The following LY86 variants were observed in gnomAD, a reference collection of about 807,000 sequenced individuals.
LY86 encodes MD-1, RP105-associated.
In LY86, 20 loss-of-function variants were observed where a neutral mutation model predicts 17.3. The ratio of observed to expected loss-of-function variants is 1.15; its 90% CI spans 0.81 to 1.68. The LOEUF (loss-of-function observed/expected upper bound fraction) is 1.68. LY86 is among the 40% of genes most tolerant of loss of function. LY86 has a pLI of 0.00. For missense variants in LY86, 200 were observed against 191.9 expected, an observed-to-expected ratio of 1.04 and a Z score of -0.25; for synonymous variants, 74 against 70.6, an observed-to-expected ratio of 1.05 and a Z score of -0.24.
chr6:6,611,785 T>C (rs933351548), intron 1 of LY86, among the ~76,000 whole-genome samples: 1 of 141,994 alleles, frequency 7.0e-6, no homozygotes, highest in African/African-American at 2.7e-5. Flanking sequence ...TATCAAACAG[T>C]ACGGGCTCAA....
intron 3 of LY86, among the ~76,000 whole-genome samples, chr6:6,640,585 G>A (rs916691125): frequency 6.6e-6 from 1 of 151,838 alleles, no homozygotes; most frequent in Admixed American, 6.6e-5. Flanking sequence ...GCTGGGCATG[G>A]TGGTGTAGTC....
intron 1 of LY86, among the ~76,000 whole-genome samples, chr6:6,600,587 CAAAAAAAAAAAAAAAAAAAAAAA>C (rs59560744): frequency 1.7e-4 from 14 of 82,458 alleles, no homozygotes; most frequent in South Asian, 1.3e-3. Flanking sequence ...GAGACTCCAT[CAAAAAAAAAAAAAAAAAAAAAAA>C]AAAAAAAAAA....
intron 1 of LY86, among the ~76,000 whole-genome samples, chr6:6,600,081 A>G (rs1160761802): frequency 6.6e-6 from 1 of 152,196 alleles, no homozygotes; most frequent in Non-Finnish European, 1.5e-5. Context: ...AATATGTAAG[A>G]GATCACTGGG....
chr6:6,621,629 C>T (rs1449128349), intron 1 of LY86, among the ~76,000 whole-genome samples: 3 of 152,160 alleles, frequency 2.0e-5, no homozygotes, highest in Non-Finnish European at 2.9e-5. Flanking sequence ...AGGGATGCTT[C>T]TAGACATCCT....
intron 1 of LY86, chr6:6,591,384 A>C (rs1760519901): frequency 6.5e-6 from 1 of 153,838 alleles, no homozygotes; most frequent in South Asian, 2.1e-4. Flanking sequence ...ACAATTAAGC[A>C]ACAGGGTAAA....
At chr6:6,626,483 A>C in intron 3 of LY86, 62 bp downstream of exon 3, 3 of 1,593,054 alleles carry the variant, frequency 1.9e-6, no homozygotes, top group South Asian at 1.1e-5. Context: ...TCGAACTTGC[A>C]TCTGAGGCCA....
intron 1 of LY86, chr6:6,622,786 A>C (rs1335016345): frequency 1.3e-5 from 2 of 152,384 alleles, no homozygotes; most frequent in African/African-American, 4.8e-5. Flanking sequence ...AATGGAAATC[A>C]GTTATGAAAC....
At chr6:6,623,450 A>G (rs1761722139) in intron 1 of LY86, among the ~76,000 whole-genome samples, 1 of 152,248 alleles carries the variant, frequency 6.6e-6, no homozygotes, top group Non-Finnish European at 1.5e-5. Flanking sequence ...CACTCCCAGC[A>G]AGTACTCACG....
chr6:6,650,339 G>GTTTTTTTTTTTTTTTTTT lies in LY86; in HGVS notation c.405+662_405+663insTTTTTTTTTTTTTTTTTT, dbSNP rs138255515. On this transcript the variant is annotated intron_variant, in intron 4 of 4. Transcript: ENST00000230568. ...TTCAATATGCTACCCCTCAGATAAT[G>GTTTTTTTTTTTTTTTTTT]GTTTTTTTTTTTTTTGAGAGAGTCT... is the stretch of plus-strand genomic sequence containing the variant. 2.0e-5 allele frequency among the ~76,000 whole-genome samples: 3 copies of GTTTTTTTTTTTTTTTTTT among 148,036 alleles called. 1 individual carries two copies. Among genetic ancestry groups the GTTTTTTTTTTTTTTTTTT allele is most frequent in the African/African-American group, 5.0e-5 (2 of 40,058 alleles).
At position 6,593,740 on chromosome 6, in the gene LY86, C is replaced by T. The variant is rs562045966; in HGVS notation, c.136+4870C>T. Among the ~76,000 whole-genome samples, 148 of 152,130 alleles carry T rather than the reference C, an allele frequency of 9.7e-4. 1 individual carries two copies. Among genetic ancestry groups the T allele is most frequent in the Non-Finnish European group, 2.0e-3 (137 of 68,024 alleles). ...CAGCTTTTCCTGATATAGGGATGAGCGATGAGGGGAATTTCTCCCCAGAGT... is the reference window on the plus strand; with the variant it reads ...CAGCTTTTCCTGATATAGGGATGAGTGATGAGGGGAATTTCTCCCCAGAGT... On this transcript the variant is annotated intron_variant, in intron 1 of 4. Transcript: ENST00000230568.
chr6:6,649,650 C>A lies in LY86; in HGVS notation c.378C>A (p.Val126=). 6.4e-7 allele frequency: 1 copy of A among 1,574,484 alleles called. No homozygotes were observed. The highest frequency in any genetic ancestry group is 8.7e-7 in the Non-Finnish European group (1 of 1,148,964). Reference sequence around the variant, plus strand: ...AGCAGATTTACTATGCTGGGCCTGTCAATAATCCTGAATTTACTATTCCTC... The same window carrying A: ...AGCAGATTTACTATGCTGGGCCTGTAAATAATCCTGAATTTACTATTCCTC... ...KGEQIYYAGP[V]NNPEFTIPQG... is the part of the protein sequence containing the mutation. Residue 126 remains valine (V), a synonymous_variant, in exon 4 of 5, where the codon GTC becomes GTA. Transcript: ENST00000230568.
Position 6,607,840 on chromosome 6 carries a change from C to T in LY86, c.137-17086C>T, listed in dbSNP as rs544523501. 6.3e-4 allele frequency among the ~76,000 whole-genome samples: 95 copies of T among 151,982 alleles called. 1 individual carries two copies. Among genetic ancestry groups the T allele is most frequent in the African/African-American group, 2.2e-3 (91 of 41,436 alleles). The stretch of plus-strand genomic sequence containing the variant: ...GCTTGAACCCGGGAGGCAAAGGTTG[C>T]GGTAAGCTGAGATAGTGCCACTGCA... On this transcript the variant is annotated intron_variant, in intron 1 of 4. Transcript: ENST00000230568.
chr6:6,613,603 C>T (rs1009925123), intron 1 of LY86, among the ~76,000 whole-genome samples: 1 of 152,228 alleles, frequency 6.6e-6, no homozygotes, highest in African/African-American at 2.4e-5. Flanking sequence ...CGCCGCGCGC[C>T]GCCCGGGTTC....
intron 1 of LY86, among the ~76,000 whole-genome samples, chr6:6,600,388 G>A (rs901964398): frequency 2.0e-5 from 3 of 151,866 alleles, no homozygotes; most frequent in Admixed American, 6.6e-5. Context: ...TCAGGAGTTC[G>A]AGATCAGTCG....
At chr6:6,612,415 G>A (rs6912864) in intron 1 of LY86, among the ~76,000 whole-genome samples, 8,232 of 152,176 alleles carry the variant, frequency 0.054, 319 homozygotes, top group African/African-American at 0.11. Flanking sequence ...TAGTCTCACT[G>A]GCCTCATAAA....
chr6:6,588,742 G>A lies in LY86; in HGVS notation c.8G>A (p.Gly3Asp). 1 of 1,614,128 alleles carries A rather than the reference G, an allele frequency of 6.2e-7. No individual in the cohort carries two copies. The highest frequency in any genetic ancestry group is 8.5e-7 in the Non-Finnish European group (1 of 1,179,980). The change falls in exon 1 of 5, where the codon GGT becomes GAT. Residue 3 changes from glycine to aspartate, a missense_variant. Gly to Asp is a moderately conservative substitution (Grantham distance 94). Transcript: ENST00000230568. ...CCCATACAGGCCCCCACCATGAAGG[G>A]TTTCACAGCCACTCTCTTCCTCTGG... MK[G>D]FTATLFLWTL...
chr6:6,615,868 A>C (rs1326433114), intron 1 of LY86, among the ~76,000 whole-genome samples: 1 of 152,202 alleles, frequency 6.6e-6, no homozygotes, highest in Non-Finnish European at 1.5e-5. Context: ...CTCAAAAAAT[A>C]ATAATACAAA....
intron 1 of LY86, among the ~76,000 whole-genome samples, chr6:6,607,039 C>T (rs1051878699): frequency 1.5e-4 from 23 of 152,336 alleles, no homozygotes; most frequent in African/African-American, 4.8e-4. Context: ...GGGGATTGCA[C>T]GGGACGTGAA....
intron 1 of LY86, among the ~76,000 whole-genome samples, chr6:6,592,647 T>A (rs1760564708): frequency 2.6e-5 from 4 of 152,160 alleles, no homozygotes; most frequent in South Asian, 4.1e-4. Context: ...GATTAGATCA[T>A]GAGAATGGAG....
Sources: allele counts gnomAD v4.1 joint callset (sites outside exome capture counted in the v4.1 genomes callset), GRCh38; gene constraint gnomAD v4.1.1; transcripts MANE v1.5; gene names NCBI Gene and HGNC (gene_info 2026-07-23, HGNC 2026-07-21).